LRRTM4: variants seen among roughly 807,000 people sequenced by gnomAD.
LRRTM4 encodes leucine rich repeat transmembrane neuronal 4.
A neutral mutation model predicts 47.6 loss-of-function variants in LRRTM4; 25 were observed. That is an observed-to-expected ratio of 0.53 (90% CI 0.38 to 0.73). LRRTM4 has a LOEUF of 0.73. Among genes scored for constraint, LRRTM4 ranks in the 30% least tolerant of loss-of-function variants. LRRTM4 has a pLI of 0.00. For synonymous variants in LRRTM4, 311 were observed against 269.5 expected (o/e 1.15, Z -1.51); for missense variants, 638 against 713.4 (o/e 0.89, Z 1.20).
chr2:77,177,692 T>C (rs1673238015), intron 3 of LRRTM4, among the ~76,000 whole-genome samples: 1 of 152,180 alleles, frequency 6.6e-6, no homozygotes, highest in African/African-American at 2.4e-5. Context: ...AATCCACACT[T>C]TCAAATAAGC....
intron 3 of LRRTM4, among the ~76,000 whole-genome samples, chr2:77,345,126 T>G (rs1334397321): frequency 6.6e-6 from 1 of 150,582 alleles, no homozygotes; most frequent in African/African-American, 2.4e-5. Context: ...AATATACAAA[T>G]AGTTTAAAAG....
rs150590721 is a variant in LRRTM4 at position 77,048,650 on chromosome 2, C to T, written c.1552-299734G>A. Among the ~76,000 whole-genome samples, 323 of 151,942 alleles carry T rather than the reference C, an allele frequency of 2.1e-3. 1 individual carries two copies. Among genetic ancestry groups the T allele is most frequent in the African/African-American group, 7.4e-3 (306 of 41,488 alleles). ...CTTATTATTATTTTTAATACATACA[C>T]GATAACTATATGTTTTTTATGGGCA... On this transcript the variant is annotated intron_variant, in intron 3 of 3. Coordinates refer to ENST00000409884, the MANE Select transcript of LRRTM4 (RefSeq NM_001134745.3).
chr2:77,126,478 G>A (rs1671655720), intron 3 of LRRTM4, among the ~76,000 whole-genome samples: 1 of 152,110 alleles, frequency 6.6e-6, no homozygotes, highest in Admixed American at 6.5e-5. Context: ...ATTTCACCCT[G>A]TGCAATGAGA....
At chr2:77,241,428 A>G (rs907871812) in intron 3 of LRRTM4, among the ~76,000 whole-genome samples, 3 of 152,134 alleles carry the variant, frequency 2.0e-5, no homozygotes, top group Admixed American at 6.6e-5. Flanking sequence ...ATGAGTCAGT[A>G]ATAAGCATAA....
chr2:77,445,474 T>G (rs1408004242), intron 3 of LRRTM4, among the ~76,000 whole-genome samples: 1 of 151,976 alleles, frequency 6.6e-6, no homozygotes, highest in Non-Finnish European at 1.5e-5. Context: ...CGCCTATCTT[T>G]TCTTATGATT....
At position 77,196,324 on chromosome 2, in the gene LRRTM4, T is replaced by G. The variant is rs145598050; in HGVS notation, c.1551+321994A>C. The stretch of plus-strand genomic sequence containing the variant: ...TATCATTTATTCACGTTGAGTACAT[T>G]CAGTATTCTTCTAGTTATTTGAAAT... On this transcript the variant is annotated intron_variant, in intron 3 of 3. Coordinates refer to ENST00000409884, the MANE Select transcript of LRRTM4 (RefSeq NM_001134745.3). Among the ~76,000 whole-genome samples the G allele has an allele frequency of 2.6e-5, 4 of 152,296 alleles. No homozygotes were observed. In the East Asian group the frequency reaches 7.7e-4, roughly 29 times the overall value.
intron 3 of LRRTM4, among the ~76,000 whole-genome samples, chr2:76,845,620 T>A: frequency 6.6e-6 from 1 of 152,264 alleles, no homozygotes; most frequent in African/African-American, 2.4e-5. Context: ...TAAAAATATA[T>A]TCTTCTGTAT....
At chr2:77,439,496 C>T (rs1266513528) in intron 3 of LRRTM4, among the ~76,000 whole-genome samples, 2 of 151,622 alleles carry the variant, frequency 1.3e-5, no homozygotes, top group East Asian at 1.9e-4. Context: ...AGTTTAGAAA[C>T]TTAGAAAAAA....
chr2:77,277,844 C>G (rs1027207742), intron 3 of LRRTM4, among the ~76,000 whole-genome samples: 1 of 151,972 alleles, frequency 6.6e-6, no homozygotes, highest in African/African-American at 2.4e-5. Context: ...TAAAGTAGCT[C>G]TGTATGGCAC....
chr2:77,490,959 T>G (rs1678130922), intron 3 of LRRTM4, among the ~76,000 whole-genome samples: 1 of 152,144 alleles, frequency 6.6e-6, no homozygotes, highest in Admixed American at 6.5e-5. Flanking sequence ...ATGATTCATT[T>G]TTTTTTCATA....
chr2:76,985,563 T>A (rs1676765476), intron 3 of LRRTM4, among the ~76,000 whole-genome samples: 1 of 151,960 alleles, frequency 6.6e-6, no homozygotes, highest in South Asian at 2.1e-4. Flanking sequence ...CTCCTGAGAC[T>A]AAAGTTGCTA....
rs535460798 is a variant in LRRTM4, at chr2:77,090,603, C to T, written c.1552-341687G>A. On this transcript the variant is annotated intron_variant, in intron 3 of 3. Coordinates refer to ENST00000409884, the MANE Select transcript of LRRTM4 (RefSeq NM_001134745.3). Reference sequence around the variant, plus strand: ...CACAAGAACTTCCAAACGCCTGAACCGCAGTGGCCAGACCTTCCTCCAGAA... The same window carrying T: ...CACAAGAACTTCCAAACGCCTGAACTGCAGTGGCCAGACCTTCCTCCAGAA... 9.2e-5 allele frequency among the ~76,000 whole-genome samples: 14 copies of T among 152,282 alleles called. No homozygotes were observed. In the South Asian group the frequency reaches 2.3e-3, roughly 25 times the overall value.
chr2:77,238,333 C>T (rs917852042), intron 3 of LRRTM4, among the ~76,000 whole-genome samples: 6 of 152,022 alleles, frequency 3.9e-5, no homozygotes, highest in African/African-American at 1.4e-4. Context: ...TTGGCAGTGT[C>T]TTAACTTTGG....
chr2:76,999,724 A>T (rs1677345226), intron 3 of LRRTM4, among the ~76,000 whole-genome samples: 1 of 152,110 alleles, frequency 6.6e-6, no homozygotes, highest in South Asian at 2.1e-4. Context: ...GATAATAGTG[A>T]ATTCAATTTT....
intron 3 of LRRTM4, among the ~76,000 whole-genome samples, chr2:77,006,753 C>T (rs777041084): frequency 3.9e-5 from 6 of 152,154 alleles, no homozygotes; most frequent in Non-Finnish European, 5.9e-5. Flanking sequence ...CATTTTGGTG[C>T]TTGTCTATGG....
At chr2:77,361,452 T>C (rs1672207966) in intron 3 of LRRTM4, among the ~76,000 whole-genome samples, 1 of 152,140 alleles carries the variant, frequency 6.6e-6, no homozygotes, top group Non-Finnish European at 1.5e-5. Flanking sequence ...TCATCCTTTT[T>C]CCTGTCTGTT....
intron 3 of LRRTM4, among the ~76,000 whole-genome samples, chr2:76,951,781 T>C (rs540915056): frequency 1.3e-5 from 2 of 151,938 alleles, no homozygotes; most frequent in African/African-American, 4.8e-5. Flanking sequence ...TCCCTCCCCT[T>C]GCTCCCCTCC....
chr2:77,441,405 TTAAGTA>T (rs1413033057), intron 3 of LRRTM4, among the ~76,000 whole-genome samples: 6 of 152,212 alleles, frequency 3.9e-5, no homozygotes, highest in African/African-American at 7.2e-5. Context: ...GCCAAGCACT[TTAAGTA>T]TATTTCCTTA....
chr2:76,800,245 C>CA (rs1675590118), intron 3 of LRRTM4, among the ~76,000 whole-genome samples: 1 of 148,354 alleles, frequency 6.7e-6, no homozygotes, highest in Non-Finnish European at 1.5e-5. Context: ...GTACTGGTAC[C>CA]AAAACAGAGA....
Sources: allele counts gnomAD v4.1 joint callset (sites outside exome capture counted in the v4.1 genomes callset), GRCh38; gene constraint gnomAD v4.1.1; transcripts MANE v1.5; gene names NCBI Gene and HGNC (gene_info 2026-07-23, HGNC 2026-07-21).